Variants in SPAG17 observed in about 807,000 individuals in gnomAD.
SPAG17 encodes sperm associated antigen 17.
SPAG17 carries 169 observed loss-of-function variants against 273.6 expected under a neutral mutation model. That is an observed-to-expected ratio of 0.62 (90% confidence interval 0.55 to 0.70). The LOEUF (loss-of-function observed/expected upper bound fraction) is 0.70. Ranked by LOEUF, SPAG17 falls within the 30% of genes least tolerant of loss-of-function variation. The probability of loss-of-function intolerance (pLI) is 0.00; values close to 1 mark genes in which losing one functional copy is unlikely to be tolerated. For missense variants in SPAG17, 2,557 were observed against 2,627.8 expected, an observed-to-expected ratio of 0.97 and a Z score of 0.59; for synonymous variants, 825 against 873.2, an observed-to-expected ratio of 0.94 and a Z score of 0.97.
intron 3 of SPAG17, among the ~76,000 whole-genome samples, chr1:118,148,174 G>A (rs1460679786): frequency 6.6e-6 from 1 of 152,140 alleles, no homozygotes; most frequent in African/African-American, 2.4e-5. Context: ...GATGTTGCAA[G>A]ACTTTCGCTC....
intron 41 of SPAG17, 96 bp downstream of exon 41, chr1:117,984,587 A>T: frequency 1.3e-6 from 1 of 776,666 alleles, no homozygotes; most frequent in Non-Finnish European, 2.1e-6. Context: ...GGAAAGAATT[A>T]AACAGCATCA....
intron 42 of SPAG17, among the ~76,000 whole-genome samples, chr1:117,983,320 A>C (rs1278685487): frequency 6.6e-6 from 1 of 152,216 alleles, no homozygotes; most frequent in East Asian, 1.9e-4. Flanking sequence ...TGGGAATTCA[A>C]GACGAGATTT....
At chr1:118,136,503 T>C (rs914974212) in intron 3 of SPAG17, among the ~76,000 whole-genome samples, 5 of 152,146 alleles carry the variant, frequency 3.3e-5, no homozygotes, top group Non-Finnish European at 5.9e-5. Context: ...TAAACCATGG[T>C]TTTATGGACA....
At position 118,097,683 on chromosome 1, in the gene SPAG17, T is replaced by A; in HGVS notation, c.998A>T (p.Asp333Val). The part of the protein sequence containing the change: ...KAADFPSDWS[D>V]GEMMLKLGTD... ...GTGTGTACTAACCATCATCTCACCA[T>A]CTGACCAGTCAGAAGGAAAATCAGC... The change falls in exon 7 of 49, where the codon GAT becomes GTT. Residue 333 changes from aspartate to valine, a missense_variant. Transcript: ENST00000336338. 1 of 1,601,034 alleles carries A rather than the reference T, an allele frequency of 6.2e-7. No homozygotes were observed. The highest frequency in any genetic ancestry group is 1.7e-4 in the Middle Eastern group (1 of 5,988).
chr1:117,990,282 C>T (rs547300461), intron 38 of SPAG17, among the ~76,000 whole-genome samples: 2 of 152,314 alleles, frequency 1.3e-5, no homozygotes, highest in East Asian at 3.9e-4. Context: ...GCATGGCTGC[C>T]AGTTTATGAT....
At chr1:118,040,040 G>T (rs1649552619) in intron 22 of SPAG17, among the ~76,000 whole-genome samples, 1 of 152,016 alleles carries the variant, frequency 6.6e-6, no homozygotes, top group Admixed American at 6.6e-5. Context: ...ATGTTAAATG[G>T]TTTTGCAACT....
At chr1:117,986,678 C>G (rs747762165) in intron 40 of SPAG17, among the ~76,000 whole-genome samples, 48 of 152,180 alleles carry the variant, frequency 3.2e-4, no homozygotes, top group Non-Finnish European at 6.6e-4. Context: ...AATCTCCTTC[C>G]TCTCAGGCAA....
chr1:118,001,801 G>GT (rs1366912845), intron 32 of SPAG17, among the ~76,000 whole-genome samples: 1 of 152,074 alleles, frequency 6.6e-6, no homozygotes, highest in Non-Finnish European at 1.5e-5. Context: ...TTTTTGAAGG[G>GT]TTTTTTGTGT....
chr1:117,972,111 A>C, intron 44 of SPAG17, 64 bp from the exon 45 acceptor site: 1 of 1,392,104 alleles, frequency 7.2e-7, no homozygotes, highest in Non-Finnish European at 9.7e-7. Flanking sequence ...AAAAAAAAAA[A>C]AGTCCCTGTC....
In SPAG17 at chr1:118,112,456, G is replaced by A. The variant is rs1013296302; in HGVS notation, c.447+2854C>T. ...TAGAAATAAAAATGCAAAAGCAAAT[G>A]TTGCGATAAGGATGTAAGAAAATAT... On this transcript the variant is annotated intron_variant, in intron 4 of 48. Transcript: ENST00000336338. Among the ~76,000 whole-genome samples, 7 of 152,166 alleles carry A rather than the reference G, an allele frequency of 4.6e-5. No individual in the cohort carries two copies. The East Asian group carries it at 9.6e-4, about 21-fold the overall frequency.
intron 32 of SPAG17, among the ~76,000 whole-genome samples, chr1:118,000,074 CAG>C (rs1366591126): frequency 6.6e-6 from 1 of 151,996 alleles, no homozygotes; most frequent in Non-Finnish European, 1.5e-5. Flanking sequence ...CATTATTAAA[CAG>C]GGAATCCTTT....
chr1:117,958,438 A>G (rs1652536195), intron 48 of SPAG17, among the ~76,000 whole-genome samples: 1 of 152,198 alleles, frequency 6.6e-6, no homozygotes. Context: ...TCAGAGGCTT[A>G]TGGATGGGTA....
chr1:118,113,843 T>C (rs752840517), intron 4 of SPAG17, among the ~76,000 whole-genome samples: 3 of 152,158 alleles, frequency 2.0e-5, no homozygotes, highest in Non-Finnish European at 4.4e-5. Flanking sequence ...TATTTTTATA[T>C]TGTTGCAAGC....
intron 4 of SPAG17, among the ~76,000 whole-genome samples, chr1:118,112,498 CTT>C (rs1246113664): frequency 3.3e-5 from 5 of 151,896 alleles, no homozygotes; most frequent in African/African-American, 1.2e-4. Context: ...AAACAAAACA[CTT>C]TAAGTTTTAA....
chr1:118,067,744 G>A (rs76967562), intron 17 of SPAG17, among the ~76,000 whole-genome samples: 528 of 152,330 alleles, frequency 3.5e-3, no homozygotes, highest in Middle Eastern at 6.8e-3. Flanking sequence ...GGCTGAGAGA[G>A]TAAGGGACTT....
intron 10 of SPAG17, among the ~76,000 whole-genome samples, chr1:118,090,446 A>T (rs1655292759): frequency 6.6e-6 from 1 of 152,256 alleles, no homozygotes; most frequent in Non-Finnish European, 1.5e-5. Context: ...AATTGAATAC[A>T]CTGAAAGCAT....
chr1:118,068,982 G>C (rs1190546774), intron 17 of SPAG17, among the ~76,000 whole-genome samples: 1 of 152,086 alleles, frequency 6.6e-6, no homozygotes, highest in East Asian at 1.9e-4. Flanking sequence ...TATAGAGAAT[G>C]GATTAGAGCA....
intron 41 of SPAG17, among the ~76,000 whole-genome samples, 195 bp downstream of exon 41, chr1:117,984,487 TA>T (rs1417016364): frequency 5.9e-5 from 9 of 152,308 alleles, no homozygotes; most frequent in African/African-American, 2.2e-4. Context: ...AACTTCTACT[TA>T]GGTGCAAGGC....
Position 117,953,600 on chromosome 1 carries a change from A to T in SPAG17, c.*450T>A. On this transcript the variant is annotated 3_prime_UTR_variant, in exon 49 of 49. Transcript: ENST00000336338. The stretch of plus-strand genomic sequence containing the variant: ...TAATAAGATCTCAACTTTTTAGTAA[A>T]AGTTTTATTCTGTATCAACCAGAAA... 6.4e-7 allele frequency: 1 copy of T among 1,571,040 alleles called. No homozygotes were observed. The highest frequency in any genetic ancestry group is 1.8e-5 in the Admixed American group (1 of 55,272).
Sources: gnomAD v4.1 joint callset for allele counts (sites outside exome capture counted in the v4.1 genomes callset) on GRCh38, gnomAD v4.1.1 for gene constraint, MANE v1.5 for transcripts, NCBI Gene and HGNC (gene_info 2026-07-23, HGNC 2026-07-21) for gene names.